SLC5A1: variants seen among roughly 807,000 people sequenced by gnomAD.
SLC5A1 encodes the protein solute carrier family 5 member 1.
SLC5A1 carries 42 observed loss-of-function variants against 73.5 expected under a neutral mutation model. The ratio of observed to expected loss-of-function variants is 0.57; its 90% CI spans 0.45 to 0.74. The LOEUF (loss-of-function observed/expected upper bound fraction) is 0.74, where lower values mean the gene tolerates loss of function less well. SLC5A1 is among the 30% of genes least tolerant of loss of function. The probability of loss-of-function intolerance (pLI) is 0.00; values close to 1 mark genes in which losing one functional copy is unlikely to be tolerated. For missense variants in SLC5A1, 634 were observed against 855.4 expected (o/e 0.74, Z 3.23); for synonymous variants, 300 against 317.4 (o/e 0.95, Z 0.58).
intron 4 of SLC5A1, among the ~76,000 whole-genome samples, chr22:32,068,247 G>A (rs1475948963): frequency 2.0e-5 from 3 of 152,250 alleles, no homozygotes; most frequent in Non-Finnish European, 4.4e-5. Flanking sequence ...GTGATGCCCA[G>A]TGACAGGTTT....
At chr22:32,084,747 C>T (rs1200889282) in intron 8 of SLC5A1, 88 bp downstream of exon 8, 1 of 1,506,650 alleles carries the variant, frequency 6.6e-7, no homozygotes. Flanking sequence ...AGGGTTGGGA[C>T]AGGGAGGGGA....
rs1422457729 is a variant in SLC5A1, at chr22:32,043,721, C to T, written c.135+305C>T. 1.3e-5 allele frequency among the ~76,000 whole-genome samples: 2 copies of T among 152,128 alleles called. No individual in the cohort carries two copies. The highest frequency in any genetic ancestry group is 1.9e-4 in the East Asian group (1 of 5,188). On this transcript the variant is annotated intron_variant, in intron 1 of 14. Transcript: ENST00000266088. The surrounding 1 kb of genome is among the most constrained non-coding windows in gnomAD (Gnocchi z 6.5). ...CTGGAAAGTGTAAGGGGCAGGAAAG[C>T]GGCTGCTTAGAGCTACAGGGAGGGC...
intron 14 of SLC5A1, among the ~76,000 whole-genome samples, chr22:32,107,448 T>C (rs2094048293): frequency 6.6e-6 from 1 of 152,222 alleles, no homozygotes; most frequent in South Asian, 2.1e-4. Context: ...GATTTAATCA[T>C]CATCAATTCT....
At chr22:32,081,663 T>G (rs1047734594) in intron 5 of SLC5A1, among the ~76,000 whole-genome samples, 1 of 152,242 alleles carries the variant, frequency 6.6e-6, no homozygotes, top group East Asian at 1.9e-4. Context: ...TATTAAAGGC[T>G]CAGAAAAGTT....
At chr22:32,080,062 A>T (rs2093997132) in intron 5 of SLC5A1, among the ~76,000 whole-genome samples, 1 of 152,052 alleles carries the variant, frequency 6.6e-6, no homozygotes, top group African/African-American at 2.4e-5. Flanking sequence ...AGAATTAGAG[A>T]GGGGAAATGT....
chr22:32,097,411 G>A (rs1270823627), intron 11 of SLC5A1, among the ~76,000 whole-genome samples: 4 of 152,142 alleles, frequency 2.6e-5, no homozygotes, highest in Non-Finnish European at 5.9e-5. Flanking sequence ...GCTTTGTGGA[G>A]GTCAATTTAA....
chr22:32,067,026 G>A lies in SLC5A1; in HGVS notation c.299G>A (p.Gly100Asp). The A allele has an allele frequency of 3.7e-6, 6 of 1,612,668 alleles. No individual in the cohort carries two copies. Among genetic ancestry groups the A allele is most frequent in the Non-Finnish European group, 5.1e-6 (6 of 1,178,828 alleles). Residue 100 changes from glycine to aspartate, a missense_variant, in exon 3 of 15, where the codon GGC (glycine) becomes GAC (aspartate). Gly to Asp is a moderately conservative substitution (Grantham distance 94). Coordinates refer to ENST00000266088, the MANE Select transcript of SLC5A1 (RefSeq NM_000343.4). ...TGAASGIAIG[G>D]FEWNALVLVV... ...GCAGCTTCAGGCATCGCCATTGGAG[G>A]CTTTGAATGGAATGTGAGTAACACT...
At chr22:32,044,090 A>G (rs546944284) in intron 1 of SLC5A1, among the ~76,000 whole-genome samples, 28 of 152,322 alleles carry the variant, frequency 1.8e-4, no homozygotes, top group African/African-American at 6.7e-4. Context: ...ACAGCAAACC[A>G]GAGAAACTTG....
intron 2 of SLC5A1, among the ~76,000 whole-genome samples, 178 bp downstream of exon 2, chr22:32,050,192 A>T (rs1721954123): frequency 6.6e-6 from 1 of 152,180 alleles, no homozygotes; most frequent in Non-Finnish European, 1.5e-5. Flanking sequence ...TCTTGTAGTA[A>T]GGGAATAGCC....
chr22:32,075,079 T>G, intron 5 of SLC5A1, among the ~76,000 whole-genome samples: 1 of 148,224 alleles, frequency 6.7e-6, no homozygotes, highest in African/African-American at 2.5e-5. Context: ...ACTTTTTTTT[T>G]TTTTTTTTTT....
chr22:32,094,599 C>G (rs1317660079), intron 11 of SLC5A1, among the ~76,000 whole-genome samples: 1 of 152,262 alleles, frequency 6.6e-6, no homozygotes, highest in Non-Finnish European at 1.5e-5. Flanking sequence ...ATTTATCCAT[C>G]TCCTCTAGGT....
At chr22:32,105,007 G>A in intron 14 of SLC5A1, 116 bp downstream of exon 14, 1 of 783,932 alleles carries the variant, frequency 1.3e-6, no homozygotes. Context: ...TCCCCTCCAG[G>A]GCAGTGAGGA....
chr22:32,082,077 A>G, intron 6 of SLC5A1, 106 bp downstream of exon 6: 1 of 789,876 alleles, frequency 1.3e-6, no homozygotes, highest in East Asian at 2.5e-5. Context: ...GAGGAGAGAT[A>G]CACTCAGGTA....
At chr22:32,091,913 A>T in intron 11 of SLC5A1, 151 bp downstream of exon 11, 1 of 562,272 alleles carries the variant, frequency 1.8e-6, no homozygotes, top group Non-Finnish European at 3.0e-6. Flanking sequence ...GTGGCATTTA[A>T]CTTTATTTAC....
intron 11 of SLC5A1, among the ~76,000 whole-genome samples, chr22:32,096,555 T>C (rs1288210950): frequency 6.6e-6 from 1 of 152,226 alleles, no homozygotes; most frequent in Non-Finnish European, 1.5e-5. Flanking sequence ...GTGAATATAC[T>C]CTGTAAAGTC....
chr22:32,085,445 G>A (rs2094006537), intron 9 of SLC5A1, among the ~76,000 whole-genome samples: 1 of 151,670 alleles, frequency 6.6e-6, no homozygotes, highest in Admixed American at 6.6e-5. Flanking sequence ...ATTTGTTATG[G>A]TCATATCCAA....
At chr22:32,060,254 C>T (rs976218357) in intron 2 of SLC5A1, among the ~76,000 whole-genome samples, 2 of 151,876 alleles carry the variant, frequency 1.3e-5, no homozygotes, top group African/African-American at 4.8e-5. Flanking sequence ...CCCAATAGCG[C>T]GATCTCGGCT....
chr22:32,067,125 G>A (rs559902889), intron 3 of SLC5A1, 86 bp downstream of exon 3: 23 of 1,134,486 alleles, frequency 2.0e-5, no homozygotes, highest in Non-Finnish European at 6.6e-6. Context: ...AGGAGCTGAA[G>A]ATGTTAGGGA....
rs1171189768 is a variant in SLC5A1, at chr22:32,112,859, G to T, written c.*2646G>T. ...GCAATATAACATATACTTGAAAATT[G>T]CTGAGAGTAGTGTGAGTGTTCTACC... On this transcript the variant is annotated 3_prime_UTR_variant, in exon 15 of 15. Transcript: ENST00000266088. The T allele has an allele frequency of 6.6e-6, 1 of 152,144 alleles. No individual in the cohort carries two copies. Among genetic ancestry groups the T allele is most frequent in the African/African-American group, 2.4e-5 (1 of 41,418 alleles). 9.4% of individuals were successfully genotyped at this position (152,144 alleles called of 1,614,324 possible). A position where few individuals can be genotyped will look rare whatever the true frequency, so the allele number is the denominator to read the frequency against.
Sources: gnomAD v4.1 joint callset for allele counts (sites outside exome capture counted in the v4.1 genomes callset) on GRCh38, gnomAD v4.1.1 for gene constraint, Gnocchi (gnomAD v3.1) non-coding constraint, MANE v1.5 for transcripts, NCBI Gene and HGNC (gene_info 2026-07-23, HGNC 2026-07-21) for gene names.